The following KCNJ6 variants were observed in gnomAD, a reference collection of about 807,000 sequenced individuals.
The protein encoded by KCNJ6 is G protein-activated inward rectifier potassium channel 2.
In KCNJ6, 9 loss-of-function variants were observed where a neutral mutation model predicts 34.2. The ratio of observed to expected loss-of-function variants is 0.26; its 90% CI spans 0.16 to 0.46. The LOEUF is 0.46. Among genes scored for constraint, KCNJ6 ranks in the 20% least tolerant of loss-of-function variants. The pLI is 1.00. For synonymous variants in KCNJ6, 196 were observed against 207.1 expected, an observed-to-expected ratio of 0.95 and a Z score of 0.46; for missense variants, 236 against 531.3, an observed-to-expected ratio of 0.44 and a Z score of 5.46.
chr21:37,749,908 G>A (rs1234053099), intron 2 of KCNJ6, among the ~76,000 whole-genome samples: 1 of 152,164 alleles, frequency 6.6e-6, no homozygotes, highest in Non-Finnish European at 1.5e-5. Flanking sequence ...GCCTTGCACC[G>A]TCGCCAAGAA....
At position 37,718,258 on chromosome 21, in the gene KCNJ6, G is replaced by A. The variant is rs2054804733; in HGVS notation, c.26-3127C>T. On this transcript the variant is annotated intron_variant, in intron 2 of 3. Transcript: ENST00000609713. ...GAGCCTGGATCCTGAGTCATGGGTG[G>A]AGAGCTGCTATCTATCTGTCTAGAA... Among the ~76,000 whole-genome samples, 2 of 152,216 alleles carry A rather than the reference G, an allele frequency of 1.3e-5. 1 individual carries two copies. Among genetic ancestry groups the A allele is most frequent in the Middle Eastern group, 6.3e-3 (2 of 316 alleles).
intron 3 of KCNJ6, among the ~76,000 whole-genome samples, chr21:37,627,044 T>C (rs1466648331): frequency 2.0e-5 from 3 of 152,190 alleles, no homozygotes; most frequent in Non-Finnish European, 4.4e-5. Context: ...TGCTTTGTGC[T>C]GAATGCAGGT....
intron 1 of KCNJ6, among the ~76,000 whole-genome samples, chr21:37,893,482 A>G (rs2055772829): frequency 6.6e-6 from 1 of 152,210 alleles, no homozygotes. Context: ...CTGGGATTAC[A>G]GGTGTGAGCC....
intron 3 of KCNJ6, among the ~76,000 whole-genome samples, chr21:37,661,345 A>G (rs2123398219): frequency 1.3e-5 from 2 of 152,318 alleles, no homozygotes; most frequent in Admixed American, 1.3e-4. Flanking sequence ...GGGTAATTTA[A>G]AATAACTTTC....
At chr21:37,651,877 A>G (rs1601404083) in intron 3 of KCNJ6, among the ~76,000 whole-genome samples, 5 of 152,310 alleles carry the variant, frequency 3.3e-5, no homozygotes, top group African/African-American at 9.6e-5. Flanking sequence ...TCACATGTCA[A>G]CTTCAACCAC....
At chr21:37,669,880 ATATT>A (rs959379774) in intron 3 of KCNJ6, among the ~76,000 whole-genome samples, 1 of 152,160 alleles carries the variant, frequency 6.6e-6, no homozygotes, top group Non-Finnish European at 1.5e-5. Flanking sequence ...TGATGAAGTT[ATATT>A]TATATTTTTC....
At chr21:37,865,808 A>G (rs1022255148) in intron 1 of KCNJ6, among the ~76,000 whole-genome samples, 16 of 152,234 alleles carry the variant, frequency 1.1e-4, no homozygotes, top group Non-Finnish European at 1.9e-4. Context: ...AGATCAACAA[A>G]GAAGTGTTGG....
At chr21:37,798,475 C>CCCATGCACAAAT (rs56122557) in intron 2 of KCNJ6, among the ~76,000 whole-genome samples, 56 of 151,912 alleles carry the variant, frequency 3.7e-4, no homozygotes, top group African/African-American at 1.3e-3. Flanking sequence ...CACACAAAAA[C>CCCATGCACAAAT]GTCCAAGGCA....
chr21:37,853,738 A>G (rs759910359), intron 1 of KCNJ6, among the ~76,000 whole-genome samples: 2 of 151,172 alleles, frequency 1.3e-5, no homozygotes, highest in Non-Finnish European at 2.9e-5. Flanking sequence ...TAAGACAACT[A>G]TATTTTAAAT....
At chr21:37,906,714 G>A (rs1013283488) in intron 1 of KCNJ6, among the ~76,000 whole-genome samples, 2 of 152,182 alleles carry the variant, frequency 1.3e-5, no homozygotes, top group Non-Finnish European at 2.9e-5. Flanking sequence ...CATGTGGAGT[G>A]TGGGCTTGGG....
chr21:37,639,357 G>C (rs2054371349), intron 3 of KCNJ6, among the ~76,000 whole-genome samples: 1 of 152,108 alleles, frequency 6.6e-6, no homozygotes, highest in Non-Finnish European at 1.5e-5. Context: ...ACTAAAAATT[G>C]CTTGCAATTC....
intron 3 of KCNJ6, among the ~76,000 whole-genome samples, chr21:37,654,420 A>G (rs1182249070): frequency 6.6e-6 from 1 of 151,722 alleles, no homozygotes; most frequent in African/African-American, 2.4e-5. Context: ...TTGGTAAAAA[A>G]AAAAAAAATG....
chr21:37,616,610 T>TATATATATA lies in KCNJ6; in HGVS notation c.*8548_*8549insTATATATAT, dbSNP rs201078536. 9.3e-6 allele frequency: 1 copy of TATATATATA among 108,080 alleles called. No homozygotes were observed. The highest frequency in any genetic ancestry group is 3.8e-5 in the African/African-American group (1 of 26,396). The allele number at this position is 108,080 out of a possible 1,614,324, so 6.7% of individuals were successfully genotyped here. A position where few individuals can be genotyped will look rare whatever the true frequency, so the allele number is the denominator to read the frequency against. On this transcript the variant is annotated 3_prime_UTR_variant, in exon 4 of 4. Coordinates refer to ENST00000609713, the MANE Select transcript of KCNJ6 (RefSeq NM_002240.5). Reference sequence around the variant, plus strand: ...ATGTACATATATATATATATATATATATATATGGTTAGACTCTGAACATAT... The same window carrying TATATATATA: ...ATGTACATATATATATATATATATATATATATATAATATATGGTTAGACTCTGAACATAT...
chr21:37,818,845 A>G (rs1049503038), intron 2 of KCNJ6, among the ~76,000 whole-genome samples: 7 of 152,168 alleles, frequency 4.6e-5, no homozygotes, highest in Admixed American at 3.3e-4. Flanking sequence ...ACCTGTTTGC[A>G]TTTCTGACAG....
intron 2 of KCNJ6, among the ~76,000 whole-genome samples, chr21:37,794,720 C>T (rs988485624): frequency 7.9e-5 from 12 of 151,830 alleles, no homozygotes; most frequent in African/African-American, 2.9e-4. Flanking sequence ...CATACCGGGG[C>T]CTGTCGGGAG....
At chr21:37,720,832 C>T (rs888842739) in intron 2 of KCNJ6, among the ~76,000 whole-genome samples, 8 of 151,522 alleles carry the variant, frequency 5.3e-5, no homozygotes, top group East Asian at 1.9e-4. Context: ...CTCAGCCTCC[C>T]GAGTAGCTGG....
chr21:37,756,527 T>C (rs2055025923), intron 2 of KCNJ6, among the ~76,000 whole-genome samples: 1 of 152,222 alleles, frequency 6.6e-6, no homozygotes, highest in African/African-American at 2.4e-5. Flanking sequence ...GGCCCCAGCA[T>C]TCACACTGCA....
intron 3 of KCNJ6, among the ~76,000 whole-genome samples, chr21:37,693,410 C>T (rs1045628334): frequency 2.7e-4 from 41 of 152,236 alleles, no homozygotes; most frequent in Admixed American, 1.9e-3. Context: ...TGAACCACGG[C>T]GGATGAGTCC....
chr21:37,905,031 C>T (rs561966137), intron 1 of KCNJ6, among the ~76,000 whole-genome samples: 3 of 152,324 alleles, frequency 2.0e-5, no homozygotes, highest in East Asian at 1.9e-4. Context: ...CAACACTCTG[C>T]GCCTGGACTG....
Sources: gnomAD v4.1 joint callset for allele counts (sites outside exome capture counted in the v4.1 genomes callset) on GRCh38, gnomAD v4.1.1 for gene constraint, MANE v1.5 for transcripts, NCBI Gene and HGNC (gene_info 2026-07-23, HGNC 2026-07-21) for gene names.